PCDHA11: variants seen among roughly 807,000 people sequenced by gnomAD.
PCDHA11 encodes protocadherin alpha-11.
In PCDHA11, 61 loss-of-function variants were observed where a neutral mutation model predicts 70.3. The ratio of observed to expected loss-of-function variants is 0.87; its 90% CI spans 0.71 to 1.07. The LOEUF is 1.07. PCDHA11 is among the 50% of genes least tolerant of loss of function. The pLI is 0.00. For synonymous variants in PCDHA11, 633 were observed against 555.1 expected (o/e 1.14, Z -1.97); for missense variants, 1,324 against 1,237.5 (o/e 1.07, Z -1.05).
At chr5:140,932,145 C>G (rs1231469475) in intron 1 of PCDHA11, among the ~76,000 whole-genome samples, 2 of 151,710 alleles carry the variant, frequency 1.3e-5, no homozygotes, top group African/African-American at 4.8e-5. Context: ...AAAATTGATT[C>G]ACTGATTGTA....
intron 3 of PCDHA11, among the ~76,000 whole-genome samples, chr5:140,994,234 C>A (rs1285846864): frequency 4.6e-5 from 7 of 152,146 alleles, no homozygotes; most frequent in South Asian, 2.1e-4. Flanking sequence ...ATGTTATAAT[C>A]AATTCAAACC....
chr5:140,871,117 G>T lies in PCDHA11; in HGVS notation c.2014G>T (p.Gly672Ter). Residue 672 changes from glycine to a stop codon, truncating the protein, a stop_gained, in exon 1 of 4, where the codon GGA (glycine) becomes TGA (stop). Transcript: ENST00000398640. LOFTEE classifies it high-confidence loss of function. The part of the protein sequence containing the change: ...ATVLVSLVES[G>*]QAPKASSRTL... ...CGTGCTGGTGTCGTTGGTGGAGAGC[G>T]GACAGGCGCCAAAGGCCTCTTCCCG... The T allele has an allele frequency of 1.2e-6, 2 of 1,613,286 alleles. No homozygotes were observed. The highest frequency in any genetic ancestry group is 1.7e-6 in the Non-Finnish European group (2 of 1,179,886).
chr5:140,969,286 T>C (rs2096315830), intron 1 of PCDHA11: 3 of 1,614,076 alleles, frequency 1.9e-6, no homozygotes, highest in Admixed American at 1.7e-5. Flanking sequence ...GTCAGAATGC[T>C]GGGAACCTGA....
At position 140,871,315 on chromosome 5, in the gene PCDHA11, C is replaced by A. The variant is rs908582761; in HGVS notation, c.2212C>A (p.Leu738Met). 1 of 1,613,928 alleles carries A rather than the reference C, an allele frequency of 6.2e-7. No homozygotes were observed. The highest frequency in any genetic ancestry group is 1.3e-5 in the African/African-American group (1 of 74,948). ...EGACAPGKPT[L>M]VCSRAVGSWS... ...CGCGTGCGCGCCGGGGAAGCCCACG[C>A]TGGTGTGCTCCCGCGCGGTGGGGAG... is the stretch of plus-strand genomic sequence containing the variant. The change falls in exon 1 of 4, where the codon CTG becomes ATG. Residue 738 changes from leucine (L) to methionine (M), a missense_variant. Coordinates refer to ENST00000398640, the MANE Select transcript of PCDHA11 (RefSeq NM_018902.5).
At chr5:141,004,637 A>G (rs149340406) in intron 3 of PCDHA11, among the ~76,000 whole-genome samples, 1,579 of 152,220 alleles carry the variant, frequency 0.01, 12 homozygotes, top group Middle Eastern at 0.058. Flanking sequence ...TTGAAGAAAA[A>G]TTTCCATTTT....
chr5:140,900,080 A>G (rs62384484), intron 1 of PCDHA11, among the ~76,000 whole-genome samples: 49,691 of 152,040 alleles, frequency 0.33, 8,391 homozygotes, highest in East Asian at 0.53. Flanking sequence ...AAAGTGCTGC[A>G]GTTACAAGCA....
chr5:140,909,411 CATTTGG>C (rs2074480921), intron 1 of PCDHA11, among the ~76,000 whole-genome samples: 2 of 152,142 alleles, frequency 1.3e-5, no homozygotes, highest in African/African-American at 4.8e-5. Flanking sequence ...TTGCAGTTAC[CATTTGG>C]TTAAACTTAT....
chr5:140,884,466 C>T (rs1212644572), intron 1 of PCDHA11: 3 of 1,613,764 alleles, frequency 1.9e-6, no homozygotes, highest in Non-Finnish European at 2.5e-6. Context: ...GGCGCGTGCG[C>T]GCCGGGCAAG....
chr5:140,893,725 C>A (rs782492563), intron 1 of PCDHA11, among the ~76,000 whole-genome samples: 4 of 152,154 alleles, frequency 2.6e-5, no homozygotes, highest in Non-Finnish European at 5.9e-5. Context: ...GCTGAGAAAT[C>A]TGCTGTTAGT....
intron 1 of PCDHA11, among the ~76,000 whole-genome samples, chr5:140,972,039 C>A (rs1274808907): frequency 2.6e-5 from 4 of 152,150 alleles, no homozygotes; most frequent in African/African-American, 9.7e-5. Context: ...TTTAAGCTAT[C>A]ACTAATTCAC....
At chr5:140,950,429 T>G (rs1339598073) in intron 1 of PCDHA11, among the ~76,000 whole-genome samples, 1 of 151,896 alleles carries the variant, frequency 6.6e-6, no homozygotes, top group Admixed American at 6.6e-5. Context: ...TTCTTCCACT[T>G]AAAAAAAATG....
Position 140,869,188 on chromosome 5 carries a change from G to A in PCDHA11, c.85G>A (p.Gly29Ser), listed in dbSNP as rs200563745. The change falls in exon 1 of 4, where the codon GGC (glycine) becomes AGC (serine). Residue 29 changes from glycine to serine, a missense_variant. Gly to Ser is a moderately conservative substitution (Grantham distance 56, BLOSUM62 0). Transcript: ENST00000398640. ...CCTCGAATTCTGGGAGGTGGGGAGC[G>A]GCCAGCTCCACTACTCCGTCTCGGA... ...LLLEFWEVGS[G>S]QLHYSVSEEA... The A allele has an allele frequency of 3.1e-6, 5 of 1,613,828 alleles. No homozygotes were observed. The highest frequency in any genetic ancestry group is 2.7e-5 in the African/African-American group (2 of 74,894).
At chr5:140,971,884 C>A (rs1216931622) in intron 1 of PCDHA11, among the ~76,000 whole-genome samples, 1 of 151,602 alleles carries the variant, frequency 6.6e-6, no homozygotes, top group Admixed American at 6.6e-5. Flanking sequence ...AGGAAATAAG[C>A]TCAGGGAGGT....
chr5:140,954,390 C>A (rs2095030202), intron 1 of PCDHA11, among the ~76,000 whole-genome samples: 1 of 152,204 alleles, frequency 6.6e-6, no homozygotes, highest in South Asian at 2.1e-4. Context: ...AACTAATTTA[C>A]AACCCCACCA....
At chr5:140,949,826 T>G (rs954476311) in intron 1 of PCDHA11, among the ~76,000 whole-genome samples, 2 of 151,922 alleles carry the variant, frequency 1.3e-5, no homozygotes, top group Non-Finnish European at 2.9e-5. Flanking sequence ...ATTTGTCCCC[T>G]CTGATTTTGT....
At chr5:140,877,792 C>T (rs782259804) in intron 1 of PCDHA11, 1 of 1,614,004 alleles carries the variant, frequency 6.2e-7, no homozygotes, top group Non-Finnish European at 8.5e-7. Context: ...GGCCTTCAGC[C>T]CAAGCCTTCA....
chr5:140,901,331 G>A (rs545187943), intron 1 of PCDHA11, among the ~76,000 whole-genome samples: 66 of 152,062 alleles, frequency 4.3e-4, no homozygotes, highest in Non-Finnish European at 7.1e-4. Flanking sequence ...TCTTGTAGTC[G>A]TTTTATAGTT....
chr5:140,882,928 C>G (rs1554176132), intron 1 of PCDHA11: 1 of 1,614,140 alleles, frequency 6.2e-7, no homozygotes, highest in South Asian at 1.1e-5. Flanking sequence ...GAGGTAAACC[C>G]GAGCTGACTG....
At chr5:140,883,892 G>T in intron 1 of PCDHA11, 3 of 1,613,362 alleles carry the variant, frequency 1.9e-6, no homozygotes, top group Non-Finnish European at 1.7e-6. Context: ...CGACTCTGGC[G>T]TGCCGCCTCT....
Sources: gnomAD v4.1 joint callset for allele counts (sites outside exome capture counted in the v4.1 genomes callset) on GRCh38, gnomAD v4.1.1 for gene constraint, MANE v1.5 for transcripts, NCBI Gene and HGNC (gene_info 2026-07-23, HGNC 2026-07-21) for gene names.